Variants in C5AR2 observed in about 807,000 individuals in gnomAD.
C5AR2 encodes C5a anaphylatoxin chemotactic receptor 2.
For missense variants in C5AR2, 458 were observed against 467.5 expected (o/e 0.98, Z 0.19); for synonymous variants, 224 against 216.5 (o/e 1.03, Z -0.30).
Position 47,341,571 on chromosome 19 carries a change from G to T in C5AR2, c.772G>T (p.Val258Leu). 1 of 1,613,602 alleles carries T rather than the reference G, an allele frequency of 6.2e-7. No individual in the cohort carries two copies. The highest frequency in any genetic ancestry group is 8.5e-7 in the Non-Finnish European group (1 of 1,179,920). The part of the protein sequence containing the change: ...PYHLLGLVLT[V>L]AAPNSALLAR... ...CCACCTGCTGGGGCTGGTGCTCACTGTGGCGGCCCCGAACTCCGCACTCCT... is the reference window on the plus strand; with the variant it reads ...CCACCTGCTGGGGCTGGTGCTCACTTTGGCGGCCCCGAACTCCGCACTCCT... The change falls in exon 2 of 2, where the codon GTG (valine) becomes TTG (leucine). Residue 258 changes from valine to leucine, a missense_variant. Transcript: ENST00000595464. The surrounding 1 kb of genome is among the most constrained non-coding windows in gnomAD (Gnocchi z 4.6).
At chr19:47,333,241 G>T (rs2059345990) in intron 1 of C5AR2, among the ~76,000 whole-genome samples, 1 of 151,996 alleles carries the variant, frequency 6.6e-6, no homozygotes, top group African/African-American at 2.4e-5. Flanking sequence ...TTGACCTCAG[G>T]TGATCCACCT....
At position 47,341,797 on chromosome 19, in the gene C5AR2, C is replaced by T. The variant is rs369783726; in HGVS notation, c.998C>T (p.Ser333Leu). The T allele has an allele frequency of 5.0e-6, 8 of 1,613,366 alleles. No homozygotes were observed. Among genetic ancestry groups the T allele is most frequent in the Admixed American group, 3.3e-5 (2 of 59,988 alleles). Residue 333 changes from serine to leucine, a missense_variant, in exon 2 of 2, where the codon TCG becomes TTG. By Grantham distance (145) the Ser-to-Leu change is moderately radical. Coordinates refer to ENST00000595464, the MANE Select transcript of C5AR2 (RefSeq NM_001271749.2). This position sits in a 1 kb window ranked among gnomAD's most constrained non-coding sequence, Gnocchi z 4.6. ...AAATCCACCAGCCATGACCTGGTCT[C>T]GGAGATGGAGGTGTAGGCTGGAGAG... ...SKKSTSHDLVSEMEV is the reference protein window; with the variant it reads ...SKKSTSHDLVLEMEV
chr19:47,341,766 A>T lies in C5AR2; in HGVS notation c.967A>T (p.Ser323Cys). The T allele has an allele frequency of 6.2e-7, 1 of 1,613,604 alleles. No individual in the cohort carries two copies. Among genetic ancestry groups the T allele is most frequent in the Non-Finnish European group, 8.5e-7 (1 of 1,180,036 alleles). Reference protein sequence around the residue: ...ESQGQDESVDSKKSTSHDLVS... With the variant: ...ESQGQDESVDCKKSTSHDLVS... ...CCAGGGCCAGGACGAAAGTGTGGAC[A>T]GCAAGAAATCCACCAGCCATGACCT... Residue 323 changes from serine (S) to cysteine (C), a missense_variant, in exon 2 of 2, where the codon AGC (serine) becomes TGC (cysteine). Physicochemically the swap from Ser to Cys is moderately radical, Grantham distance 112. Coordinates refer to ENST00000595464, the MANE Select transcript of C5AR2 (RefSeq NM_001271749.2). The surrounding 1 kb of genome is among the most constrained non-coding windows in gnomAD (Gnocchi z 4.6).
chr19:47,336,736 T>A (rs1037159302), intron 1 of C5AR2, among the ~76,000 whole-genome samples: 31 of 151,816 alleles, frequency 2.0e-4, no homozygotes, highest in Non-Finnish European at 3.2e-4. Context: ...CTTGAACTCT[T>A]GGCCTCAAGC....
rs58125577 is a variant in C5AR2 at position 47,334,468 on chromosome 19, G to GAAAA, written c.-16+2131_-16+2134dup. Among the ~76,000 whole-genome samples the GAAAA allele has an allele frequency of 2.1e-3, 291 of 138,402 alleles. 1 individual carries two copies. Among genetic ancestry groups the GAAAA allele is most frequent in the African/African-American group, 6.2e-3 (229 of 36,916 alleles). 90.8% of individuals were successfully genotyped at this position (138,402 alleles called of 152,430 possible). A position where few individuals can be genotyped will look rare whatever the true frequency, so the allele number is the denominator to read the frequency against. On this transcript the variant is annotated intron_variant, in intron 1 of 1. Coordinates refer to ENST00000595464, the MANE Select transcript of C5AR2 (RefSeq NM_001271749.2). The stretch of plus-strand genomic sequence containing the variant: ...CAACAGAGTAAGGGCTGTCCATACA[G>GAAAA]AAAAAAAAAAAAAAATTAGCTGGGC...
chr19:47,347,320 T>C lies in C5AR2; in HGVS notation c.*5507T>C, dbSNP rs1969133950. The C allele has an allele frequency of 8.2e-6, 1 of 122,576 alleles. No homozygotes were observed. Among genetic ancestry groups the C allele is most frequent in the African/African-American group, 3.1e-5 (1 of 32,526 alleles). The allele number at this position is 122,576 out of a possible 1,614,324, so 7.6% of individuals were successfully genotyped here. A position where few individuals can be genotyped will look rare whatever the true frequency, so the allele number is the denominator to read the frequency against. ...CTTTTTTAAAAATTATAATTATTGT[T>C]TGGATTATTTATTTATTTATTTATT... On this transcript the variant is annotated 3_prime_UTR_variant, in exon 2 of 2. Coordinates refer to ENST00000595464, the MANE Select transcript of C5AR2 (RefSeq NM_001271749.2).
In C5AR2 at chr19:47,346,451, C is replaced by G. The variant is rs1045787634; in HGVS notation, c.*4638C>G. The G allele has an allele frequency of 6.6e-6, 1 of 152,076 alleles. No homozygotes were observed. The highest frequency in any genetic ancestry group is 2.4e-5 in the African/African-American group (1 of 41,396). 9.4% of individuals were successfully genotyped at this position (152,076 alleles called of 1,614,324 possible). A position where few individuals can be genotyped will look rare whatever the true frequency, so the allele number is the denominator to read the frequency against. ...GGGCGTGGTGGCTCATGTCTGTAAT[C>G]CCAGTACTTTGGGAGGCCAATGCAG... On this transcript the variant is annotated 3_prime_UTR_variant, in exon 2 of 2. Coordinates refer to ENST00000595464, the MANE Select transcript of C5AR2 (RefSeq NM_001271749.2).
Position 47,341,669 on chromosome 19 carries a change from C to T in C5AR2, c.870C>T (p.Leu290=), listed in dbSNP as rs1183544947. ...CTCACAGCTGCCTCAATCCCATGCT[C>T]TTCCTGTATTTTGGGAGGGCTCAAC... is the stretch of plus-strand genomic sequence containing the variant. ...ALAHSCLNPM[L]FLYFGRAQLR... Residue 290 remains leucine, a synonymous_variant, in exon 2 of 2, where the codon CTC becomes CTT. Transcript: ENST00000595464. This position sits in a 1 kb window ranked among gnomAD's most constrained non-coding sequence, Gnocchi z 4.6. 1.2e-6 allele frequency: 2 copies of T among 1,614,032 alleles called. No individual in the cohort carries two copies. The highest frequency in any genetic ancestry group is 1.7e-6 in the Non-Finnish European group (2 of 1,180,044).
rs1969078577 is a variant in C5AR2 at position 47,343,737 on chromosome 19, T to C, written c.*1924T>C. The C allele has an allele frequency of 6.6e-6, 1 of 151,982 alleles. No homozygotes were observed. Among genetic ancestry groups the C allele is most frequent in the Non-Finnish European group, 1.5e-5 (1 of 68,024 alleles). The allele number at this position is 151,982 out of a possible 1,614,324, so 9.4% of individuals were successfully genotyped here. A position where few individuals can be genotyped will look rare whatever the true frequency, so the allele number is the denominator to read the frequency against. On this transcript the variant is annotated 3_prime_UTR_variant, in exon 2 of 2. Transcript: ENST00000595464. ...TTGAATCCTTCTGCTTCAATCCTCC[T>C]TAAAGCAGGTAGATTGCTTGAGCCC...
rs1568389083 is a variant in C5AR2, at chr19:47,345,561, C to CG, written c.*3752dup. 1 of 150,154 alleles carries CG rather than the reference C, an allele frequency of 6.7e-6. No individual in the cohort carries two copies. Among genetic ancestry groups the CG allele is most frequent in the East Asian group, 2.0e-4 (1 of 5,080 alleles). 9.3% of individuals were successfully genotyped at this position (150,154 alleles called of 1,614,324 possible). A position where few individuals can be genotyped will look rare whatever the true frequency, so the allele number is the denominator to read the frequency against. On this transcript the variant is annotated 3_prime_UTR_variant, in exon 2 of 2. Transcript: ENST00000595464. Reference sequence around the variant, plus strand: ...TTTTTTTTTTTATTTTTAGTAGAGACGGGGTTTCTCCATGTTGGCCAGGCT... The same window carrying CG: ...TTTTTTTTTTTATTTTTAGTAGAGACGGGGGTTTCTCCATGTTGGCCAGGCT...
intron 1 of C5AR2, among the ~76,000 whole-genome samples, chr19:47,334,017 C>T (rs905831992): frequency 1.2e-4 from 19 of 152,118 alleles, no homozygotes; most frequent in African/African-American, 4.3e-4. Context: ...ACCACTTAGT[C>T]TCTCTGTGCC....
At position 47,335,771 on chromosome 19, in the gene C5AR2, C is replaced by CAAAAAAAAAAAAAAAAAA. The variant is rs768761019; in HGVS notation, c.-16+3436_-16+3453dup. ...TGGGCGACAGAGTGATACTCCGTCTCAAAAAAAAAAAAAAAAAAAAAAAAA... is the reference window on the plus strand; with the variant it reads ...TGGGCGACAGAGTGATACTCCGTCTCAAAAAAAAAAAAAAAAAAAAAAAAAAAAAAAAAAAAAAAAAAA... On this transcript the variant is annotated intron_variant, in intron 1 of 1. Transcript: ENST00000595464. 1.7e-4 allele frequency among the ~76,000 whole-genome samples: 4 copies of CAAAAAAAAAAAAAAAAAA among 23,034 alleles called. 1 individual carries two copies. Among genetic ancestry groups the CAAAAAAAAAAAAAAAAAA allele is most frequent in the African/African-American group, 2.1e-4 (1 of 4,752 alleles). The allele number at this position is 23,034 out of a possible 152,430, so 15.1% of individuals were successfully genotyped here.
rs1319931451 is a variant in C5AR2, at chr19:47,346,043, T to G, written c.*4230T>G. On this transcript the variant is annotated 3_prime_UTR_variant, in exon 2 of 2. Transcript: ENST00000595464. ...CTGGGACTACAGGCGCATGCCACCA[T>G]GCCCAGCTAATATTTTTGTATTTTT... 1 of 152,090 alleles carries G rather than the reference T, an allele frequency of 6.6e-6. No individual in the cohort carries two copies. Among genetic ancestry groups the G allele is most frequent in the African/African-American group, 2.4e-5 (1 of 41,432 alleles). The allele number at this position is 152,090 out of a possible 1,614,324, so 9.4% of individuals were successfully genotyped here. A position where few individuals can be genotyped will look rare whatever the true frequency, so the allele number is the denominator to read the frequency against.
At chr19:47,336,648 A>T (rs2059359722) in intron 1 of C5AR2, among the ~76,000 whole-genome samples, 1 of 151,858 alleles carries the variant, frequency 6.6e-6, no homozygotes, top group African/African-American at 2.4e-5. Context: ...TTGGGATTGC[A>T]GGCACGAACC....
Position 47,335,785 on chromosome 19 carries a change from AAAAAAAAAAAAAAAAAAG to A in C5AR2, c.-16+3440_-16+3457del, listed in dbSNP as rs1433899903. Among the ~76,000 whole-genome samples, 29 of 137,080 alleles carry A rather than the reference AAAAAAAAAAAAAAAAAAG, an allele frequency of 2.1e-4. 1 individual carries two copies. The highest frequency in any genetic ancestry group is 4.1e-4 in the East Asian group (2 of 4,914). 89.9% of individuals were successfully genotyped at this position (137,080 alleles called of 152,430 possible). On this transcript the variant is annotated intron_variant, in intron 1 of 1. Transcript: ENST00000595464. ...ATACTCCGTCTCAAAAAAAAAAAAA[AAAAAAAAAAAAAAAAAAG>A]AAAGTTTTCGTTTTCTGGATTGTAA...
chr19:47,333,162 A>G (rs1044501012), intron 1 of C5AR2, among the ~76,000 whole-genome samples: 3 of 150,024 alleles, frequency 2.0e-5, no homozygotes, highest in African/African-American at 7.4e-5. Flanking sequence ...ACGCCACCAC[A>G]CCTAGCTAAT....
intron 1 of C5AR2, among the ~76,000 whole-genome samples, chr19:47,333,721 G>A (rs1184450941): frequency 6.6e-6 from 1 of 151,634 alleles, no homozygotes; most frequent in Admixed American, 6.6e-5. Context: ...TGGGACTACA[G>A]GCGCCCGCCA....
rs773126479 is a variant in C5AR2 at position 47,342,564 on chromosome 19, G to A, written c.*751G>A. The A allele has an allele frequency of 6.6e-6, 1 of 151,356 alleles. No individual in the cohort carries two copies. Among genetic ancestry groups the A allele is most frequent in the Non-Finnish European group, 1.5e-5 (1 of 67,858 alleles). The allele number at this position is 151,356 out of a possible 1,614,324, so 9.4% of individuals were successfully genotyped here. Reference sequence around the variant, plus strand: ...TGCCCAGCTAATTTTTGTATTTTTAGTAGAGAAGGGGTTTCACCTTGTTAG... The same window carrying A: ...TGCCCAGCTAATTTTTGTATTTTTAATAGAGAAGGGGTTTCACCTTGTTAG... On this transcript the variant is annotated 3_prime_UTR_variant, in exon 2 of 2. Coordinates refer to ENST00000595464, the MANE Select transcript of C5AR2 (RefSeq NM_001271749.2).
Position 47,341,932 on chromosome 19 carries a change from A to T in C5AR2, c.*119A>T, listed in dbSNP as rs1969046588. On this transcript the variant is annotated 3_prime_UTR_variant, in exon 2 of 2. Transcript: ENST00000595464. This position sits in a 1 kb window ranked among gnomAD's most constrained non-coding sequence, Gnocchi z 4.6. ...TTTTATTCCTTCCTTCATTCAACAG[A>T]TATCCATCATGCACTTGCTATGTGC... The T allele has an allele frequency of 1.0e-6, 1 of 989,926 alleles. No individual in the cohort carries two copies. The highest frequency in any genetic ancestry group is 1.6e-5 in the African/African-American group (1 of 61,622). 61.3% of individuals were successfully genotyped at this position (989,926 alleles called of 1,614,324 possible). A position where few individuals can be genotyped will look rare whatever the true frequency, so the allele number is the denominator to read the frequency against.
Sources: allele counts gnomAD v4.1 joint callset (sites outside exome capture counted in the v4.1 genomes callset), GRCh38; gene constraint gnomAD v4.1.1; non-coding constraint Gnocchi (gnomAD v3.1); transcripts MANE v1.5; gene names NCBI Gene and HGNC (gene_info 2026-07-23, HGNC 2026-07-21).